Variants in SLF2 observed in about 807,000 individuals in gnomAD.
The protein encoded by SLF2 is SMC5/6 complex localization factor 2.
In SLF2, 68 loss-of-function variants were observed where a neutral mutation model predicts 124.3. The observed-to-expected ratio is 0.55, with a 90% CI of 0.45 to 0.67. The LOEUF (loss-of-function observed/expected upper bound fraction) is 0.67, where lower values mean the gene tolerates loss of function less well. Among genes scored for constraint, SLF2 ranks in the 30% least tolerant of loss-of-function variants. SLF2 has a pLI of 0.00. For missense variants in SLF2, 1,246 were observed against 1,373.7 expected (o/e 0.91, Z 1.47); for synonymous variants, 480 against 478.8 (o/e 1.00, Z -0.03).
At chr10:100,916,089 G>A (rs769126582) in intron 2 of SLF2, 47 bp downstream of exon 2, 9 of 1,474,046 alleles carry the variant, frequency 6.1e-6, no homozygotes, top group Non-Finnish European at 7.5e-6. Context: ...TTGGGGGTGA[G>A]GAGAGAGACA....
At chr10:100,914,881 A>C (rs575984557) in intron 1 of SLF2, among the ~76,000 whole-genome samples, 2 of 152,306 alleles carry the variant, frequency 1.3e-5, no homozygotes, top group East Asian at 3.9e-4. Flanking sequence ...TGGAATTTTC[A>C]CTGAGCATTC....
chr10:100,923,494 C>T (rs887820389), intron 4 of SLF2, among the ~76,000 whole-genome samples: 2 of 151,758 alleles, frequency 1.3e-5, no homozygotes, highest in African/African-American at 4.8e-5. Flanking sequence ...ACCAGTCATA[C>T]TGCATTGGGA....
Position 100,913,132 on chromosome 10 carries a change from G to T in SLF2, c.22G>T (p.Ala8Ser), listed in dbSNP as rs1002228459. 6.2e-7 allele frequency: 1 copy of T among 1,613,118 alleles called. No homozygotes were observed. Among genetic ancestry groups the T allele is most frequent in the Non-Finnish European group, 8.5e-7 (1 of 1,179,706 alleles). ...CGACATGACAAGGCGCTGCATGCCCGCTAGGCCAGGTTTCCCCTCATCCCC... is the reference window on the plus strand; with the variant it reads ...CGACATGACAAGGCGCTGCATGCCCTCTAGGCCAGGTTTCCCCTCATCCCC... MTRRCMP[A>S]RPGFPSSPAP... Residue 8 changes from alanine (A) to serine (S), a missense_variant, in exon 1 of 20, where the codon GCT (alanine) becomes TCT (serine). Ala to Ser is a moderately conservative substitution (Grantham distance 99). Coordinates refer to ENST00000238961, the MANE Select transcript of SLF2 (RefSeq NM_018121.4).
chr10:100,942,561 C>CA (rs1235205942), intron 11 of SLF2, among the ~76,000 whole-genome samples: 7 of 152,138 alleles, frequency 4.6e-5, no homozygotes, highest in Non-Finnish European at 1.0e-4. Flanking sequence ...TGCTGTCGCC[C>CA]AGGCTGGAGT....
intron 9 of SLF2, among the ~76,000 whole-genome samples, chr10:100,935,138 G>A (rs568363629): frequency 4.9e-4 from 75 of 152,190 alleles, no homozygotes; most frequent in African/African-American, 1.7e-3. Flanking sequence ...GCTCATGCCT[G>A]TAATCCCAGC....
In SLF2 at chr10:100,912,996, G is replaced by A. The variant is rs986833340; in HGVS notation, c.-115G>A. 12 of 1,151,450 alleles carry A rather than the reference G, an allele frequency of 1.0e-5. No individual in the cohort carries two copies. In the African/African-American group the frequency reaches 1.7e-4, roughly 16 times the overall value. The allele number at this position is 1,151,450 out of a possible 1,614,324, so 71.3% of individuals were successfully genotyped here. On this transcript the variant is annotated 5_prime_UTR_variant, in exon 1 of 20. Coordinates refer to ENST00000238961, the MANE Select transcript of SLF2 (RefSeq NM_018121.4). ...AGAGAGAACCGCCATGAAGAGAGAA[G>A]GGGGTGCCGCCCACCTCTGCTCCGA... is the stretch of plus-strand genomic sequence containing the variant.
intron 3 of SLF2, among the ~76,000 whole-genome samples, chr10:100,918,089 A>T (rs1456387941): frequency 1.3e-5 from 2 of 152,218 alleles, no homozygotes; most frequent in Non-Finnish European, 2.9e-5. Flanking sequence ...TTGTCTCAAA[A>T]ATACAGTGTT....
At chr10:100,957,547 G>A (rs1850356691) in intron 18 of SLF2, among the ~76,000 whole-genome samples, 2 of 149,346 alleles carry the variant, frequency 1.3e-5, no homozygotes, top group Admixed American at 1.3e-4. Flanking sequence ...TTTTAGTAGA[G>A]ACGGGGTTTC....
In SLF2 at chr10:100,917,289, C is replaced by CT. The variant is rs1466581280; in HGVS notation, c.905dup (p.Ser303ValfsTer16). 4 of 1,609,180 alleles carry CT rather than the reference C, an allele frequency of 2.5e-6. No individual in the cohort carries two copies. The highest frequency in any genetic ancestry group is 3.4e-6 in the Non-Finnish European group (4 of 1,178,532). On this transcript the variant is annotated frameshift_variant, in exon 3 of 20. Transcript: ENST00000238961. LOFTEE classifies it high-confidence loss of function. ...TGACATCATACCTGGAAAAAATAAT[C>CT]TGTCAAATGTGGTATGTGTAAGAAT...
At chr10:100,942,392 G>T (rs1287152723) in intron 11 of SLF2, among the ~76,000 whole-genome samples, 1 of 152,178 alleles carries the variant, frequency 6.6e-6, no homozygotes, top group Non-Finnish European at 1.5e-5. Flanking sequence ...GCTGTAAAGG[G>T]TACAACTCAA....
At chr10:100,961,230 T>G (rs1247358693) in intron 19 of SLF2, among the ~76,000 whole-genome samples, 2 of 152,004 alleles carry the variant, frequency 1.3e-5, no homozygotes, top group African/African-American at 2.4e-5. Context: ...CAGGATGGTC[T>G]GGATCTCCTG....
intron 4 of SLF2, among the ~76,000 whole-genome samples, chr10:100,921,209 A>G (rs1849519076): frequency 6.6e-6 from 1 of 152,146 alleles, no homozygotes. Context: ...TCACCTATTA[A>G]TGGCCTTTGG....
intron 19 of SLF2, among the ~76,000 whole-genome samples, chr10:100,959,956 T>G (rs182139546): frequency 1.3e-5 from 2 of 152,334 alleles, no homozygotes; most frequent in Admixed American, 1.3e-4. Flanking sequence ...TTGGTTCCCC[T>G]CCTGACTCCT....
At chr10:100,913,518 T>A in intron 1 of SLF2, 5 of 1,251,662 alleles carry the variant, frequency 4.0e-6, no homozygotes, top group Non-Finnish European at 5.0e-6. Flanking sequence ...AGAAAGTGAT[T>A]TTTTTCCTTT....
chr10:100,913,193 G>A lies in SLF2; in HGVS notation c.83G>A (p.Arg28Lys). ...PGSSPPRCHL[R>K]PGSTAHAAAG... ...TCGTCGCCCCCGCGCTGCCATCTGA[G>A]ACCCGGTAGTACCGCCCATGCTGCA... Residue 28 changes from arginine (R) to lysine (K), a missense_variant, in exon 1 of 20, where the codon AGA (arginine) becomes AAA (lysine). Coordinates refer to ENST00000238961, the MANE Select transcript of SLF2 (RefSeq NM_018121.4). The A allele has an allele frequency of 6.2e-7, 1 of 1,613,114 alleles. No homozygotes were observed. The highest frequency in any genetic ancestry group is 8.5e-7 in the Non-Finnish European group (1 of 1,179,636).
chr10:100,917,775 C>T (rs1447573076), intron 3 of SLF2, among the ~76,000 whole-genome samples: 1 of 152,100 alleles, frequency 6.6e-6, no homozygotes, highest in Non-Finnish European at 1.5e-5. Context: ...ACAGGTCTCC[C>T]TATACTGCCC....
At position 100,916,600 on chromosome 10, in the gene SLF2, C is replaced by A; in HGVS notation, c.215C>A (p.Ser72Ter). 2.1e-6 allele frequency: 3 copies of A among 1,399,230 alleles called. No homozygotes were observed. In the South Asian group the frequency reaches 6.2e-5, roughly 29 times the overall value. The allele number at this position is 1,399,230 out of a possible 1,614,324, so 86.7% of individuals were successfully genotyped here. Residue 72 changes from serine (S) to a stop codon, truncating the protein, a stop_gained, in exon 3 of 20, where the codon TCA becomes TAA. Coordinates refer to ENST00000238961, the MANE Select transcript of SLF2 (RefSeq NM_018121.4). LOFTEE classifies it high-confidence loss of function. ...DRHMLDSPQK[S>*]NIKYGGSRLS... ...CACATGTTGGATTCACCACAAAAAT[C>A]AAACATCAAATATGGAGGAAGTAGA...
In SLF2 at chr10:100,918,316, A is replaced by G. The variant is rs989573248; in HGVS notation, c.916-68A>G. 2.8e-5 allele frequency: 27 copies of G among 978,118 alleles called. No individual in the cohort carries two copies. In the African/African-American group the frequency reaches 3.4e-4, roughly 12 times the overall value. The allele number at this position is 978,118 out of a possible 1,614,324, so 60.6% of individuals were successfully genotyped here. ...ATCTAGAAATCTGTGTTTAAATGTT[A>G]GGAAGAATGCCTTCACATTCTTTAC... On this transcript the variant is annotated intron_variant, in intron 3 of 19. Transcript: ENST00000238961.
Position 100,913,096 on chromosome 10 carries a change from G to T in SLF2, c.-15G>T. 2.5e-6 allele frequency: 4 copies of T among 1,609,026 alleles called. No individual in the cohort carries two copies. The highest frequency in any genetic ancestry group is 3.4e-6 in the Non-Finnish European group (4 of 1,177,818). Reference sequence around the variant, plus strand: ...TCCAGCCACGGCTCATGCCGCCGTCGCCAGCGGCGCCGACATGACAAGGCG... The same window carrying T: ...TCCAGCCACGGCTCATGCCGCCGTCTCCAGCGGCGCCGACATGACAAGGCG... On this transcript the variant is annotated 5_prime_UTR_variant, in exon 1 of 20. Transcript: ENST00000238961.
Sources: gnomAD v4.1 joint callset for allele counts (sites outside exome capture counted in the v4.1 genomes callset) on GRCh38, gnomAD v4.1.1 for gene constraint, MANE v1.5 for transcripts, NCBI Gene and HGNC (gene_info 2026-07-23, HGNC 2026-07-21) for gene names.